STK32B: variants seen among roughly 807,000 people sequenced by gnomAD.
STK32B encodes serine/threonine-protein kinase 32B.
Under a neutral mutation model 52.6 loss-of-function variants are expected in STK32B, and 43 were observed. The observed-to-expected ratio is 0.82, with a 90% CI of 0.64 to 1.05. STK32B has a LOEUF of 1.05. Ranked by LOEUF, STK32B falls within the 50% of genes least tolerant of loss-of-function variation. STK32B has a pLI of 0.00. For synonymous variants in STK32B, 238 were observed against 204.3 expected, an observed-to-expected ratio of 1.17 and a Z score of -1.41; for missense variants, 621 against 534.6, an observed-to-expected ratio of 1.16 and a Z score of -1.59.
chr4:5,436,095 T>C (rs1714052682), intron 6 of STK32B, among the ~76,000 whole-genome samples: 1 of 152,168 alleles, frequency 6.6e-6, no homozygotes, highest in Non-Finnish European at 1.5e-5. Flanking sequence ...GGGGCCTCAG[T>C]GCTGGGCCGT....
At chr4:5,078,423 TATG>T (rs1712213418) in intron 1 of STK32B, among the ~76,000 whole-genome samples, 1 of 152,098 alleles carries the variant, frequency 6.6e-6, no homozygotes. Flanking sequence ...ACTGACATGA[TATG>T]AAAAGAGGAA....
chr4:5,062,750 C>T lies in STK32B; in HGVS notation c.52+10835C>T, dbSNP rs566855893. 1.3e-3 allele frequency among the ~76,000 whole-genome samples: 200 copies of T among 152,202 alleles called. 4 individuals carry two copies. The highest frequency in any genetic ancestry group is 4.4e-3 in the African/African-American group (184 of 41,530). ...GTCTCGATCTCCTGACCTCGTGATC[C>T]GCCCGCCTCAGCCTCCCAAAGTGCT... is the stretch of plus-strand genomic sequence containing the variant. On this transcript the variant is annotated intron_variant, in intron 1 of 11. Transcript: ENST00000282908.
Position 5,498,942 on chromosome 4 carries a change from C to A in STK32B, c.1107-3C>A. ...ACTAACTCAGATCTGTGCTTGTTTG[C>A]AGGCTCAGGAGGCAGCAGGGACAGG... On this transcript the variant is annotated splice_polypyrimidine_tract_variant and splice_region_variant and intron_variant, in intron 11 of 11. Transcript: ENST00000282908. The A allele has an allele frequency of 6.2e-7, 1 of 1,610,530 alleles. No individual in the cohort carries two copies. The highest frequency in any genetic ancestry group is 8.5e-7 in the Non-Finnish European group (1 of 1,178,122).
intron 3 of STK32B, among the ~76,000 whole-genome samples, chr4:5,265,093 C>G (rs9683994): frequency 0.17 from 25,331 of 152,078 alleles, 4,098 homozygotes; most frequent in African/African-American, 0.42. Context: ...TTATCTTTGT[C>G]AATGGTGTGA....
intron 2 of STK32B, among the ~76,000 whole-genome samples, chr4:5,143,379 T>G (rs1406058730): frequency 6.6e-6 from 1 of 152,236 alleles, no homozygotes; most frequent in Non-Finnish European, 1.5e-5. Flanking sequence ...TCATGTTGTA[T>G]ATCTGACAGG....
chr4:5,253,633 C>T (rs1485835376), intron 3 of STK32B, among the ~76,000 whole-genome samples: 1 of 151,980 alleles, frequency 6.6e-6, no homozygotes, highest in African/African-American at 2.4e-5. Flanking sequence ...ACCTCGGCCT[C>T]CAAAGTGCTG....
chr4:5,226,148 T>A (rs1723857527), intron 3 of STK32B, among the ~76,000 whole-genome samples: 1 of 152,236 alleles, frequency 6.6e-6, no homozygotes, highest in African/African-American at 2.4e-5. Flanking sequence ...AGAAATATCA[T>A]GTGTAAGCAA....
intron 11 of STK32B, among the ~76,000 whole-genome samples, chr4:5,490,827 G>A (rs1198642955): frequency 6.6e-6 from 1 of 152,046 alleles, no homozygotes; most frequent in African/African-American, 2.4e-5. Flanking sequence ...TGCGGTGTTT[G>A]GTTTTTTGTT....
chr4:5,023,724 G>T, the STK32B span, among the ~76,000 whole-genome samples: 1 of 152,008 alleles, frequency 6.6e-6, no homozygotes, highest in Admixed American at 6.5e-5. Flanking sequence ...ATTACATCAC[G>T]ATTAACGCCT....
At chr4:5,349,673 A>T (rs1733703988) in intron 4 of STK32B, among the ~76,000 whole-genome samples, 1 of 152,222 alleles carries the variant, frequency 6.6e-6, no homozygotes, top group Non-Finnish European at 1.5e-5. Context: ...TAAAAAAAGA[A>T]TTCAAAATAT....
At chr4:5,162,027 TGGG>T (rs1177103212) in intron 2 of STK32B, among the ~76,000 whole-genome samples, 1 of 152,092 alleles carries the variant, frequency 6.6e-6, no homozygotes, top group Non-Finnish European at 1.5e-5. Context: ...GTCCCGTTGA[TGGG>T]GTAGAGTCAG....
At chr4:5,316,982 A>G (rs1258180961) in intron 3 of STK32B, among the ~76,000 whole-genome samples, 1 of 39,796 alleles carries the variant, frequency 2.5e-5, no homozygotes, top group Non-Finnish European at 3.6e-5. Flanking sequence ...TATATAATAT[A>G]TAATATATAT....
At chr4:5,372,494 A>G (rs1335423629) in intron 4 of STK32B, among the ~76,000 whole-genome samples, 1 of 152,188 alleles carries the variant, frequency 6.6e-6, no homozygotes, top group Non-Finnish European at 1.5e-5. Context: ...AGACACGGCC[A>G]TTACTATTCA....
intron 3 of STK32B, among the ~76,000 whole-genome samples, chr4:5,277,376 T>G (rs1419508248): frequency 1.3e-5 from 2 of 152,214 alleles, no homozygotes; most frequent in Non-Finnish European, 2.9e-5. Context: ...GAGTATTTTT[T>G]TTTTTCAGCC....
chr4:5,492,618 T>C (rs1478169140), intron 11 of STK32B, among the ~76,000 whole-genome samples: 5 of 148,550 alleles, frequency 3.4e-5, no homozygotes, highest in Admixed American at 3.3e-4. Flanking sequence ...CTATGTTGAA[T>C]AGGAGTGGTG....
intron 4 of STK32B, among the ~76,000 whole-genome samples, chr4:5,343,682 A>C (rs182797945): frequency 5.0e-4 from 76 of 152,364 alleles, no homozygotes; most frequent in African/African-American, 1.5e-3. Flanking sequence ...CTTCATGTCT[A>C]AAACACCAAA....
chr4:5,344,808 C>G (rs920683718), intron 4 of STK32B, among the ~76,000 whole-genome samples: 1 of 151,850 alleles, frequency 6.6e-6, no homozygotes, highest in Admixed American at 6.6e-5. Flanking sequence ...AAAGACACTT[C>G]GCATTTCTCA....
chr4:5,225,818 A>C (rs1325293682), intron 3 of STK32B, among the ~76,000 whole-genome samples: 2 of 152,226 alleles, frequency 1.3e-5, no homozygotes, highest in African/African-American at 4.8e-5. Context: ...TTCCATTTCC[A>C]CATGGAAGAG....
At chr4:5,244,751 T>C (rs1033671433) in intron 3 of STK32B, among the ~76,000 whole-genome samples, 1 of 152,198 alleles carries the variant, frequency 6.6e-6, no homozygotes, top group Non-Finnish European at 1.5e-5. Context: ...GCTTTGAATG[T>C]GTCCCAGAGA....
Sources: gnomAD v4.1 joint callset for allele counts (sites outside exome capture counted in the v4.1 genomes callset) on GRCh38, gnomAD v4.1.1 for gene constraint, MANE v1.5 for transcripts, NCBI Gene and HGNC (gene_info 2026-07-23, HGNC 2026-07-21) for gene names.